AP1S2: variants seen among roughly 807,000 people sequenced by gnomAD.
The protein encoded by AP1S2 is AP-1 complex subunit sigma-2.
AP1S2 carries 1 observed loss-of-function variant against 14.3 expected under a neutral mutation model. The ratio of observed to expected loss-of-function variants is 0.07; its 90% CI spans 0.02 to 0.33. AP1S2 has a LOEUF of 0.33. Ranked by LOEUF, AP1S2 falls within the 10% of genes least tolerant of loss-of-function variation. The probability of loss-of-function intolerance (pLI) is 0.99; values close to 1 mark genes in which losing one functional copy is unlikely to be tolerated. For missense variants in AP1S2, 30 were observed against 117.7 expected (o/e 0.25, Z 3.45); for synonymous variants, 30 against 40.5 (o/e 0.74, Z 0.99).
intron 2 of AP1S2, among the ~76,000 whole-genome samples, chrX:15,848,464 C>T (rs1218585318): frequency 2.7e-5 from 3 of 111,771 alleles, no homozygotes; most frequent in African/African-American, 9.7e-5. Context: ...ATTGCATTAA[C>T]GTAATCCCAT....
intron 4 of AP1S2, among the ~76,000 whole-genome samples, chrX:15,844,490 AACT>A (rs1328273992): frequency 8.9e-6 from 1 of 112,806 alleles, no homozygotes; most frequent in Non-Finnish European, 1.9e-5. Context: ...CACACTTAAC[AACT>A]ACTTTAGTGA....
At chrX:15,844,593 A>G (rs1201848172) in intron 4 of AP1S2, among the ~76,000 whole-genome samples, 1 of 112,719 alleles carries the variant, frequency 8.9e-6, no homozygotes, top group Admixed American at 9.4e-5. Flanking sequence ...CTAAAGCATA[A>G]TTCAATTTGG....
intron 4 of AP1S2, among the ~76,000 whole-genome samples, chrX:15,834,539 G>GATCTCAGCTCACTGCA (rs1160091500): frequency 1.2e-5 from 1 of 85,798 alleles, no homozygotes; most frequent in African/African-American, 4.3e-5. Flanking sequence ...GCAGTGGCTT[G>GATCTCAGCTCACTGCA]ATCTCAGCTC....
intron 4 of AP1S2, among the ~76,000 whole-genome samples, chrX:15,837,824 C>A (rs906040527): frequency 2.7e-5 from 3 of 109,994 alleles, no homozygotes; most frequent in African/African-American, 1.0e-4. Flanking sequence ...CCAGGTTGGT[C>A]TCGATCTCCT....
At chrX:15,847,267 T>G (rs72614602) in intron 2 of AP1S2, among the ~76,000 whole-genome samples, 25,069 of 110,031 alleles carry the variant, frequency 0.23, 2,142 homozygotes, top group East Asian at 0.35. Context: ...TTCATCTTAT[T>G]TGATGTTTTC....
chrX:15,830,404 A>T (rs1933397218), intron 4 of AP1S2: 1 of 748,353 alleles, frequency 1.3e-6, no homozygotes, highest in Non-Finnish European at 1.6e-6. Context: ...TTAAGAATGG[A>T]AAATCTTATC....
intron 4 of AP1S2, among the ~76,000 whole-genome samples, chrX:15,834,456 AT>A (rs1255600739): frequency 2.9e-4 from 9 of 30,611 alleles, no homozygotes; most frequent in East Asian, 9.3e-4. Flanking sequence ...ATATATATAT[AT>A]ATATATATAT....
chrX:15,833,625 TTC>T (rs1483770443), intron 4 of AP1S2: 3 of 465,376 alleles, frequency 6.4e-6, no homozygotes, highest in Non-Finnish European at 8.1e-6. Flanking sequence ...TCTGAAAAAG[TTC>T]TGTTATAAAT....
intron 4 of AP1S2, among the ~76,000 whole-genome samples, chrX:15,828,503 T>A (rs894420706): frequency 8.9e-6 from 1 of 111,930 alleles, no homozygotes; most frequent in Non-Finnish European, 1.9e-5. Context: ...TATACACCAA[T>A]TCTACTTATA....
At position 15,845,892 on chromosome X, in the gene AP1S2, A is replaced by C. The variant is rs1402705416; in HGVS notation, c.288+11T>G. On this transcript the variant is annotated intron_variant, in intron 3 of 5. Transcript: ENST00000672987. ...ATGGCATTCAATTTCCTAAAATAAA[A>C]TACTACTCACACTGCCGAAATACTT... 1.7e-6 allele frequency: 2 copies of C among 1,169,258 alleles called. No homozygotes were observed. Among genetic ancestry groups the C allele is most frequent in the Non-Finnish European group, 2.3e-6 (2 of 858,125 alleles).
intron 4 of AP1S2, among the ~76,000 whole-genome samples, chrX:15,841,647 T>A (rs1464075325): frequency 8.9e-6 from 1 of 111,940 alleles, no homozygotes; most frequent in Non-Finnish European, 1.9e-5. Context: ...ATTATTTATA[T>A]CTACATATCC....
chrX:15,841,423 G>A (rs1933828499), intron 4 of AP1S2, among the ~76,000 whole-genome samples: 1 of 111,216 alleles, frequency 9.0e-6, no homozygotes, highest in African/African-American at 3.3e-5. Context: ...GAAAAATAAT[G>A]ACACATGAAA....
chrX:15,845,658 A>G (rs1933978104), intron 3 of AP1S2, 142 bp from the exon 4 acceptor site: 1 of 887,178 alleles, frequency 1.1e-6, no homozygotes, highest in Admixed American at 3.6e-5. Flanking sequence ...ATGACTAAGT[A>G]TCACTGGTTT....
rs1345101204 is a variant in AP1S2, at chrX:15,834,475, T to A, written c.427-6275A>T. ...ATATATATATATATATATATATATA[T>A]ATATAATTTTTTTTTTTTGAGACAG... On this transcript the variant is annotated intron_variant, in intron 4 of 5. Coordinates refer to ENST00000672987, the MANE Select transcript of AP1S2 (RefSeq NM_001272071.2). Among the ~76,000 whole-genome samples, 33 of 32,239 alleles carry A rather than the reference T, an allele frequency of 1.0e-3. 2 individuals carry two copies. The South Asian group carries it at 0.059, about 58-fold the overall frequency. The allele number at this position is 32,239 out of a possible 115,157, so 28.0% of individuals were successfully genotyped here. A position where few individuals can be genotyped will look rare whatever the true frequency, so the allele number is the denominator to read the frequency against.
chrX:15,841,186 T>C (rs1933818258), intron 4 of AP1S2, among the ~76,000 whole-genome samples: 1 of 111,989 alleles, frequency 8.9e-6, no homozygotes, highest in African/African-American at 3.2e-5. Context: ...AAGGACTACC[T>C]TAAACTATGT....
At chrX:15,848,336 G>A (rs995311524) in intron 2 of AP1S2, among the ~76,000 whole-genome samples, 3 of 111,363 alleles carry the variant, frequency 2.7e-5, no homozygotes, top group African/African-American at 9.8e-5. Context: ...CACAACAACC[G>A]TATCCATGAG....
chrX:15,826,499 AAG>A lies in AP1S2; in HGVS notation c.*824_*825del, dbSNP rs1457774469. The A allele has an allele frequency of 8.9e-6, 1 of 111,931 alleles. No homozygotes were observed. The highest frequency in any genetic ancestry group is 1.9e-5 in the Non-Finnish European group (1 of 53,191). The allele number at this position is 111,931 out of a possible 1,213,427, so 9.2% of individuals were successfully genotyped here. On this transcript the variant is annotated 3_prime_UTR_variant, in exon 6 of 6. Coordinates refer to ENST00000672987, the MANE Select transcript of AP1S2 (RefSeq NM_001272071.2). Reference sequence around the variant, plus strand: ...CAATGACTTTACACATAATACTGTGAAGAGAGCAACACGTTTTTTGTAAGATA... The same window carrying A: ...CAATGACTTTACACATAATACTGTGAAGAGCAACACGTTTTTTGTAAGATA...
intron 2 of AP1S2, among the ~76,000 whole-genome samples, chrX:15,848,527 GAAGT>G (rs1175026118): frequency 8.9e-6 from 1 of 111,907 alleles, no homozygotes; most frequent in Non-Finnish European, 1.9e-5. Context: ...GCTTTGAAGA[GAAGT>G]AAAATATGCC....
At chrX:15,847,904 TC>T (rs1934046620) in intron 2 of AP1S2, among the ~76,000 whole-genome samples, 1 of 111,885 alleles carries the variant, frequency 8.9e-6, no homozygotes, top group Non-Finnish European at 1.9e-5. Flanking sequence ...CAAGTAAAAT[TC>T]CTTTTATTTA....
Sources: allele counts gnomAD v4.1 joint callset (sites outside exome capture counted in the v4.1 genomes callset), GRCh38; gene constraint gnomAD v4.1.1; transcripts MANE v1.5; gene names NCBI Gene and HGNC (gene_info 2026-07-23, HGNC 2026-07-21).